The following ZNRF1 variants were observed in gnomAD, a reference collection of about 807,000 sequenced individuals.
The protein encoded by ZNRF1 is E3 ubiquitin-protein ligase ZNRF1.
A neutral mutation model predicts 18.4 loss-of-function variants in ZNRF1; 3 were observed. The observed-to-expected ratio is 0.16, with a 90% CI of 0.07 to 0.42. The LOEUF is 0.42. Among genes scored for constraint, ZNRF1 ranks in the 10% least tolerant of loss-of-function variants. The pLI is 0.99. For missense variants in ZNRF1, 310 were observed against 329.8 expected, an observed-to-expected ratio of 0.94 and a Z score of 0.47; for synonymous variants, 157 against 144.2, an observed-to-expected ratio of 1.09 and a Z score of -0.64.
intron 1 of ZNRF1, among the ~76,000 whole-genome samples, chr16:75,078,075 GCA>G (rs764762944): frequency 6.6e-6 from 1 of 152,130 alleles, no homozygotes; most frequent in Non-Finnish European, 1.5e-5. Flanking sequence ...ACAACTGGTT[GCA>G]CACATGTTCC....
intron 1 of ZNRF1, among the ~76,000 whole-genome samples, chr16:75,079,274 G>C (rs950620862): frequency 6.6e-6 from 1 of 152,158 alleles, no homozygotes; most frequent in African/African-American, 2.4e-5. Flanking sequence ...AAGGTCAAAA[G>C]ATCAAGACCA....
intron 1 of ZNRF1, among the ~76,000 whole-genome samples, chr16:75,064,561 G>GAA (rs566037984): frequency 1.4e-4 from 18 of 127,136 alleles, no homozygotes; most frequent in Non-Finnish European, 1.9e-4. Flanking sequence ...GTCTCCGAGG[G>GAA]AAAAAAAAAA....
chr16:75,071,534 G>A (rs1440777292), intron 1 of ZNRF1, among the ~76,000 whole-genome samples: 2 of 152,288 alleles, frequency 1.3e-5, no homozygotes, highest in African/African-American at 2.4e-5. Flanking sequence ...CCAAGGGTGA[G>A]GGTCTTGAAA....
chr16:75,065,319 G>C (rs1434623287), intron 1 of ZNRF1, among the ~76,000 whole-genome samples: 3 of 152,176 alleles, frequency 2.0e-5, no homozygotes, highest in African/African-American at 2.4e-5. Flanking sequence ...ACCTCCCTGA[G>C]ACGGGGGTGC....
At chr16:75,010,086 G>A (rs1256863559) in intron 1 of ZNRF1, among the ~76,000 whole-genome samples, 6 of 152,042 alleles carry the variant, frequency 3.9e-5, no homozygotes, top group Admixed American at 1.3e-4. Context: ...GGGTTCAAGC[G>A]ATTCTCCTGC....
At chr16:75,067,066 G>T (rs895190567) in intron 1 of ZNRF1, among the ~76,000 whole-genome samples, 1 of 152,158 alleles carries the variant, frequency 6.6e-6, no homozygotes, top group Non-Finnish European at 1.5e-5. Context: ...TCACATACCT[G>T]TTGCCTGGTC....
At chr16:75,070,336 G>C (rs1203643978) in intron 1 of ZNRF1, among the ~76,000 whole-genome samples, 1 of 152,006 alleles carries the variant, frequency 6.6e-6, no homozygotes, top group African/African-American at 2.4e-5. Flanking sequence ...CAAGCTTTTC[G>C]ACTCCTCCCA....
intron 2 of ZNRF1, 196 bp from the exon 3 acceptor site, chr16:75,104,588 A>G (rs2036291359): frequency 6.3e-6 from 3 of 478,204 alleles, no homozygotes; most frequent in Admixed American, 7.5e-5. Context: ...TGGGTAATTA[A>G]CATGTGATGT....
At chr16:75,028,917 A>C (rs2145346367) in intron 1 of ZNRF1, among the ~76,000 whole-genome samples, 1 of 152,286 alleles carries the variant, frequency 6.6e-6, no homozygotes, top group East Asian at 1.9e-4. Context: ...TCTCCTTTGC[A>C]GATTCCTCTT....
intron 1 of ZNRF1, among the ~76,000 whole-genome samples, chr16:75,018,824 A>G (rs985922558): frequency 6.6e-6 from 1 of 152,246 alleles, no homozygotes; most frequent in Non-Finnish European, 1.5e-5. Flanking sequence ...CACATATGTC[A>G]TAAAATTTCA....
intron 1 of ZNRF1, among the ~76,000 whole-genome samples, chr16:75,089,075 C>G (rs1278311130): frequency 6.6e-6 from 1 of 152,098 alleles, no homozygotes; most frequent in Non-Finnish European, 1.5e-5. Flanking sequence ...CATGTGATTT[C>G]CCACTCGCAT....
chr16:75,104,751 AC>A, intron 2 of ZNRF1, 32 bp from the exon 3 acceptor site: 4 of 1,560,252 alleles, frequency 2.6e-6, no homozygotes, highest in Non-Finnish European at 3.5e-6. Context: ...CTGGTGACTA[AC>A]CCTCCTGCAC....
At chr16:75,098,134 G>A (rs540376957) in intron 2 of ZNRF1, among the ~76,000 whole-genome samples, 2 of 152,346 alleles carry the variant, frequency 1.3e-5, no homozygotes, top group African/African-American at 2.4e-5. Flanking sequence ...CTACAGGAGG[G>A]CGAGGAGGGG....
chr16:75,071,379 C>T (rs754157319), intron 1 of ZNRF1, among the ~76,000 whole-genome samples: 37 of 152,232 alleles, frequency 2.4e-4, no homozygotes, highest in Middle Eastern at 3.4e-3. Flanking sequence ...TGTGAACCAC[C>T]GTACCTGGCC....
chr16:75,037,948 T>C (rs1254810238), intron 1 of ZNRF1, among the ~76,000 whole-genome samples: 1 of 152,212 alleles, frequency 6.6e-6, no homozygotes, highest in East Asian at 1.9e-4. Flanking sequence ...TGGATCTTGC[T>C]TGTGAACACT....
At chr16:75,075,622 C>G (rs903458942) in intron 1 of ZNRF1, among the ~76,000 whole-genome samples, 2 of 152,172 alleles carry the variant, frequency 1.3e-5, no homozygotes, top group African/African-American at 4.8e-5. Flanking sequence ...ATTCATCCAA[C>G]AGATATTTTC....
At chr16:75,091,820 C>T (rs1268780833) in intron 1 of ZNRF1, among the ~76,000 whole-genome samples, 1 of 151,950 alleles carries the variant, frequency 6.6e-6, no homozygotes, top group East Asian at 1.9e-4. Context: ...TACAGGCATG[C>T]ACGACCACAC....
At chr16:75,058,107 T>C (rs1179412631) in intron 1 of ZNRF1, among the ~76,000 whole-genome samples, 3 of 3,106 alleles carry the variant, frequency 9.7e-4, no homozygotes, top group Non-Finnish European at 4.9e-3. Context: ...TTTCCTTTTC[T>C]TTTTTTTTTT....
intron 1 of ZNRF1, among the ~76,000 whole-genome samples, chr16:75,076,111 G>T (rs541889002): frequency 2.0e-5 from 3 of 152,224 alleles, no homozygotes; most frequent in Non-Finnish European, 2.9e-5. Flanking sequence ...GCCTGATTCA[G>T]TTTTCTTCTT....
Sources: gnomAD v4.1 joint callset for allele counts (sites outside exome capture counted in the v4.1 genomes callset) on GRCh38, gnomAD v4.1.1 for gene constraint, MANE v1.5 for transcripts, NCBI Gene and HGNC (gene_info 2026-07-23, HGNC 2026-07-21) for gene names.